KMT2C: variants seen among roughly 807,000 people sequenced by gnomAD.
KMT2C encodes lysine methyltransferase 2C, also known as histone-lysine N-methyltransferase 2C.
Under a neutral mutation model 507.9 loss-of-function variants are expected in KMT2C, and 88 were observed. The ratio of observed to expected loss-of-function variants is 0.17; its 90% CI spans 0.15 to 0.21. The LOEUF (loss-of-function observed/expected upper bound fraction) is 0.21, where lower values mean the gene tolerates loss of function less well. KMT2C is among the 10% of genes least tolerant of loss of function. KMT2C has a pLI of 1.00. For synonymous variants in KMT2C, 2,049 were observed against 2,080.8 expected, an observed-to-expected ratio of 0.98 and a Z score of 0.42; for missense variants, 4,954 against 5,957.8, an observed-to-expected ratio of 0.83 and a Z score of 5.55.
chr7:152,342,308 T>C (rs1589307027), intron 2 of KMT2C, among the ~76,000 whole-genome samples: 3 of 151,860 alleles, frequency 2.0e-5, no homozygotes, highest in Admixed American at 2.0e-4. Flanking sequence ...TTAAATCCGA[T>C]AGTTTTACTA....
chr7:152,197,023 A>T (rs181654274), intron 27 of KMT2C, among the ~76,000 whole-genome samples: 26 of 152,248 alleles, frequency 1.7e-4, no homozygotes, highest in South Asian at 1.0e-3. Context: ...AGGCTGAAAG[A>T]TAGGAGATGA....
chr7:152,176,442 A>G lies in KMT2C; in HGVS notation c.9011T>C (p.Leu3004Pro), dbSNP rs1391716222. Residue 3004 changes from leucine to proline, a missense_variant, in exon 38 of 59, where the codon CTG becomes CCG. Around this residue, in one of 29 missense-constraint regions of KMT2C, gnomAD observed 1,689 missense variants for 1,654.3 expected, o/e 1.02. Transcript: ENST00000262189. Reference sequence around the variant, plus strand: ...TTGAGTTGCAGGTTTTCCTGTCCCCAGACTGTGGTTAACTGTTGATTGACC... The same window carrying G: ...TTGAGTTGCAGGTTTTCCTGTCCCCGGACTGTGGTTAACTGTTGATTGACC... The part of the protein sequence containing the change: ...IPGQSTVNHS[L>P]GTGKPATQTG... 10 of 1,614,092 alleles carry G rather than the reference A, an allele frequency of 6.2e-6. No individual in the cohort carries two copies. Among genetic ancestry groups the G allele is most frequent in the Non-Finnish European group, 7.6e-6 (9 of 1,180,048 alleles).
intron 48 of KMT2C, 150 bp from the exon 49 acceptor site, chr7:152,153,104 G>A: frequency 3.9e-6 from 4 of 1,015,484 alleles, no homozygotes; most frequent in East Asian, 2.7e-5. Context: ...AGAACCTCAG[G>A]AAAAAAATTA....
intron 6 of KMT2C, among the ~76,000 whole-genome samples, chr7:152,294,765 C>T (rs1310011367): frequency 6.6e-6 from 1 of 152,090 alleles, no homozygotes; most frequent in Non-Finnish European, 1.5e-5. Flanking sequence ...AGATTATTGA[C>T]CATACCTCCT....
intron 38 of KMT2C, among the ~76,000 whole-genome samples, chr7:152,175,759 G>A (rs777816143): frequency 6.6e-5 from 10 of 152,174 alleles, no homozygotes; most frequent in African/African-American, 9.7e-5. Flanking sequence ...GCTCAAGGAG[G>A]GCCAAGCAGG....
intron 2 of KMT2C, among the ~76,000 whole-genome samples, chr7:152,341,915 AATAATATCACT>A (rs539741786): frequency 2.0e-4 from 30 of 152,326 alleles, no homozygotes; most frequent in African/African-American, 6.5e-4. Flanking sequence ...TTTTTAAAAT[AATAATATCACT>A]AAAGTTTCTA....
intron 31 of KMT2C, among the ~76,000 whole-genome samples, chr7:152,189,377 C>T (rs1353347663): frequency 1.3e-5 from 2 of 152,046 alleles, no homozygotes; most frequent in African/African-American, 2.4e-5. Flanking sequence ...ACACTTAGAG[C>T]CATACTATTA....
chr7:152,177,375 T>G lies in KMT2C; in HGVS notation c.8078A>C (p.Asp2693Ala), dbSNP rs1387825543. The G allele has an allele frequency of 1.2e-6, 2 of 1,613,994 alleles. No homozygotes were observed. The highest frequency in any genetic ancestry group is 2.7e-5 in the African/African-American group (2 of 74,920). Residue 2693 changes from aspartate (D) to alanine (A), a missense_variant, in exon 38 of 59, where the codon GAC becomes GCC. By Grantham distance (126) the Asp-to-Ala change is moderately radical (BLOSUM62 -2). Coordinates refer to ENST00000262189, the MANE Select transcript of KMT2C (RefSeq NM_170606.3). ...AACATCCAGTTCCTTCACAGAAGGGTCATCAGAATCAAGTTTTTCCTCTAG... is the reference window on the plus strand; with the variant it reads ...AACATCCAGTTCCTTCACAGAAGGGGCATCAGAATCAAGTTTTTCCTCTAG... ...DGLEEKLDSD[D>A]PSVKELDVKD...
chr7:152,382,419 CCAAA>C (rs1228896726), intron 1 of KMT2C, among the ~76,000 whole-genome samples: 1 of 152,072 alleles, frequency 6.6e-6, no homozygotes, highest in African/African-American at 2.4e-5. Context: ...TTTCAAAAAC[CCAAA>C]CACAGAGTCA....
chr7:152,328,747 G>C (rs2096853778), intron 3 of KMT2C, among the ~76,000 whole-genome samples: 1 of 152,100 alleles, frequency 6.6e-6, no homozygotes, highest in Admixed American at 6.5e-5. Context: ...TAAAATGTTA[G>C]GCAAGTTAAG....
At chr7:152,258,803 G>C (rs914131946) in intron 9 of KMT2C, among the ~76,000 whole-genome samples, 1 of 152,096 alleles carries the variant, frequency 6.6e-6, no homozygotes, top group African/African-American at 2.4e-5. Flanking sequence ...TAAGATTATA[G>C]GCATGAGCCA....
In KMT2C at chr7:152,330,590, C is replaced by T; in HGVS notation, c.389+11G>A. The T allele has an allele frequency of 6.2e-7, 1 of 1,613,264 alleles. No individual in the cohort carries two copies. Among genetic ancestry groups the T allele is most frequent in the Non-Finnish European group, 8.5e-7 (1 of 1,179,276 alleles). The stretch of plus-strand genomic sequence containing the variant: ...CACTAATATCCAATCCAGCTGCATT[C>T]ATTCTCTAACCTGATTTTGGCTTCT... On this transcript the variant is annotated intron_variant, in intron 3 of 58. Coordinates refer to ENST00000262189, the MANE Select transcript of KMT2C (RefSeq NM_170606.3).
At chr7:152,187,084 T>G (rs1423196237) in intron 33 of KMT2C, among the ~76,000 whole-genome samples, 178 bp downstream of exon 33, 1 of 152,100 alleles carries the variant, frequency 6.6e-6, no homozygotes, top group Admixed American at 6.6e-5. Flanking sequence ...TGAGGATGGA[T>G]GCAGGGTCTA....
chr7:152,175,833 G>A (rs1007124918), intron 38 of KMT2C, among the ~76,000 whole-genome samples: 2 of 152,192 alleles, frequency 1.3e-5, no homozygotes, highest in African/African-American at 2.4e-5. Flanking sequence ...CTGAGGTCAG[G>A]AGTTTGAGAC....
Position 152,182,918 on chromosome 7 carries a change from C to T in KMT2C, c.5265+56G>A, listed in dbSNP as rs199981911. On this transcript the variant is annotated intron_variant, in intron 35 of 58. Coordinates refer to ENST00000262189, the MANE Select transcript of KMT2C (RefSeq NM_170606.3). The stretch of plus-strand genomic sequence containing the variant: ...TTCTAAAATAATAATGCAAAGACCT[C>T]CCTTCTCAAAACAAAAATGCAACTT... 3.1e-6 allele frequency: 4 copies of T among 1,270,504 alleles called. No homozygotes were observed. The East Asian group carries it at 9.6e-5, about 30-fold the overall frequency. 78.7% of individuals were successfully genotyped at this position (1,270,504 alleles called of 1,614,324 possible).
chr7:152,165,433 A>T (rs912268364), intron 42 of KMT2C, among the ~76,000 whole-genome samples: 12 of 152,380 alleles, frequency 7.9e-5, no homozygotes, highest in East Asian at 3.9e-4. Flanking sequence ...TGCTAAAAAA[A>T]ATATACTTTA....
chr7:152,253,911 T>C (rs1420932764), intron 9 of KMT2C, among the ~76,000 whole-genome samples: 1 of 152,176 alleles, frequency 6.6e-6, no homozygotes, highest in Non-Finnish European at 1.5e-5. Flanking sequence ...CTTAAAACCC[T>C]GGGTATCCCT....
chr7:152,327,971 A>AG (rs1186257923), intron 3 of KMT2C, among the ~76,000 whole-genome samples: 41 of 150,776 alleles, frequency 2.7e-4, no homozygotes, highest in African/African-American at 2.4e-4. Context: ...AAAAAAAAAA[A>AG]AAAAGAAAAA....
intron 1 of KMT2C, among the ~76,000 whole-genome samples, chr7:152,361,770 T>C (rs2097199737): frequency 6.6e-6 from 1 of 152,036 alleles, no homozygotes; most frequent in South Asian, 2.1e-4. Context: ...GTCATAATGA[T>C]AAAAAAATTA....
Sources: gnomAD v4.1 joint callset for allele counts (sites outside exome capture counted in the v4.1 genomes callset) on GRCh38, gnomAD v4.1.1 for gene constraint, gnomAD v4.1.1 regional missense constraint, MANE v1.5 for transcripts, NCBI Gene and HGNC (gene_info 2026-07-23, HGNC 2026-07-21) for gene names.